The following ATP6V0A1 variants were observed in gnomAD, a reference collection of about 807,000 sequenced individuals.
ATP6V0A1 encodes the protein V-type proton ATPase 116 kDa subunit a 1.
ATP6V0A1 carries 43 observed loss-of-function variants against 105.4 expected under a neutral mutation model. The ratio of observed to expected loss-of-function variants is 0.41; its 90% CI spans 0.32 to 0.53. The LOEUF (loss-of-function observed/expected upper bound fraction) is 0.53, where lower values mean the gene tolerates loss of function less well. ATP6V0A1 is among the 20% of genes least tolerant of loss of function. The probability of loss-of-function intolerance (pLI) is 0.30; values close to 1 mark genes in which losing one functional copy is unlikely to be tolerated. For missense variants in ATP6V0A1, 676 were observed against 1,051.1 expected, an observed-to-expected ratio of 0.64 and a Z score of 4.93; for synonymous variants, 362 against 372.8, an observed-to-expected ratio of 0.97 and a Z score of 0.33.
At chr17:42,473,859 T>C (rs182795286) in intron 5 of ATP6V0A1, among the ~76,000 whole-genome samples, 237 of 152,206 alleles carry the variant, frequency 1.6e-3, no homozygotes, top group Non-Finnish European at 2.5e-3. Context: ...CTTGGAAAAA[T>C]GATATTTTAA....
chr17:42,491,886 G>A (rs1293856046), intron 11 of ATP6V0A1, among the ~76,000 whole-genome samples: 3 of 151,676 alleles, frequency 2.0e-5, no homozygotes, highest in Non-Finnish European at 4.4e-5. Flanking sequence ...CAAAGTGCTG[G>A]GATTACAAAG....
At chr17:42,520,859 C>T (rs148239890) in intron 21 of ATP6V0A1, 168 bp from the exon 22 acceptor site, 1 of 653,146 alleles carries the variant, frequency 1.5e-6, no homozygotes, top group African/African-American at 1.8e-5. Flanking sequence ...CTCTTGATCC[C>T]AGGCCTTAAA....
Position 42,497,185 on chromosome 17 carries a change from C to CCTAAGGCAGGAGG in ATP6V0A1, c.1560+1482_1560+1494dup, listed in dbSNP as rs959310923. Among the ~76,000 whole-genome samples, 96 of 150,532 alleles carry CCTAAGGCAGGAGG rather than the reference C, an allele frequency of 6.4e-4. No individual in the cohort carries two copies. In the Middle Eastern group the frequency reaches 0.011, roughly 17 times the overall value. ...GGGTGTGGTGGTGCACGCCTGTAGT[C>CCTAAGGCAGGAGG]CTAAGGCAGGAGGCTAAGGCAGGAG... On this transcript the variant is annotated intron_variant, in intron 14 of 21. Coordinates refer to ENST00000343619, the MANE Select transcript of ATP6V0A1 (RefSeq NM_001130021.3).
intron 2 of ATP6V0A1, among the ~76,000 whole-genome samples, chr17:42,461,418 T>C (rs1039846988): frequency 6.6e-6 from 1 of 152,212 alleles, no homozygotes; most frequent in Admixed American, 6.5e-5. Flanking sequence ...TAAATAAGCA[T>C]ATACTGAATA....
chr17:42,508,386 G>A (rs754876494), intron 18 of ATP6V0A1, among the ~76,000 whole-genome samples, 186 bp from the exon 19 acceptor site: 5 of 152,228 alleles, frequency 3.3e-5, no homozygotes, highest in Non-Finnish European at 5.9e-5. Context: ...TAAAAAATAT[G>A]TATCTTAATG....
chr17:42,460,695 C>G lies in ATP6V0A1; in HGVS notation c.-47-153C>G, dbSNP rs1007510254. Among the ~76,000 whole-genome samples, 5 of 152,346 alleles carry G rather than the reference C, an allele frequency of 3.3e-5. No homozygotes were observed. The East Asian group carries it at 7.7e-4, about 23-fold the overall frequency. On this transcript the variant is annotated intron_variant, in intron 1 of 21. Coordinates refer to ENST00000343619, the MANE Select transcript of ATP6V0A1 (RefSeq NM_001130021.3). ...TTCAGGAACTGCCTTTGCAATTTCT[C>G]CTTTCCATCTTTCTAGACAGGGTGT...
intron 21 of ATP6V0A1, 113 bp from the exon 22 acceptor site, chr17:42,520,914 A>C: frequency 1.1e-6 from 1 of 899,676 alleles, no homozygotes; most frequent in Non-Finnish European, 1.7e-6. Flanking sequence ...TCCCCAGGGA[A>C]GGGAGGCTCG....
chr17:42,507,657 C>T (rs1223311135), intron 18 of ATP6V0A1, 30 bp downstream of exon 18: 15 of 1,583,370 alleles, frequency 9.5e-6, no homozygotes, highest in Non-Finnish European at 1.3e-5. Flanking sequence ...GCTTTCTCTC[C>T]TTCCACCTCG....
At chr17:42,514,179 G>GGAA in intron 20 of ATP6V0A1, 110 bp from the exon 21 acceptor site, 1 of 1,414,998 alleles carries the variant, frequency 7.1e-7, no homozygotes, top group Non-Finnish European at 9.6e-7. Context: ...TAAGGCAGTG[G>GGAA]GAAGCCAGGA....
Position 42,514,384 on chromosome 17 carries a change from T to G in ATP6V0A1, c.2344T>G (p.Phe782Val), listed in dbSNP as rs1462121818. 1 of 1,613,782 alleles carries G rather than the reference T, an allele frequency of 6.2e-7. No homozygotes were observed. The highest frequency in any genetic ancestry group is 1.1e-5 in the South Asian group (1 of 91,020). Residue 782 changes from phenylalanine to valine, a missense_variant, in exon 21 of 22, where the codon TTT (phenylalanine) becomes GTT (valine). This residue lies in a region of ATP6V0A1 where 435 missense variants were observed against 642.2 expected (regional missense o/e 0.68). Coordinates refer to ENST00000343619, the MANE Select transcript of ATP6V0A1 (RefSeq NM_001130021.3). Reference protein sequence around the residue: ...GLVLFFFFTAFATLTVAILLI... With the variant: ...GLVLFFFFTAVATLTVAILLI... The stretch of plus-strand genomic sequence containing the variant: ...GGTGCTGTTCTTCTTCTTCACTGCC[T>G]TTGCCACCCTGACCGTGGCCATCCT...
chr17:42,517,300 A>G (rs189477901), intron 21 of ATP6V0A1, among the ~76,000 whole-genome samples: 2 of 151,670 alleles, frequency 1.3e-5, no homozygotes, highest in East Asian at 3.9e-4. Context: ...CAACAACAAC[A>G]ACAACAAAAA....
intron 5 of ATP6V0A1, chr17:42,471,453 G>GT (rs2087931072): frequency 6.6e-6 from 1 of 152,056 alleles, no homozygotes; most frequent in Admixed American, 6.6e-5. Flanking sequence ...AGGTGACTTG[G>GT]TTGGGCATGG....
At chr17:42,520,202 T>G (rs771320552) in intron 21 of ATP6V0A1, 8 of 349,628 alleles carry the variant, frequency 2.3e-5, no homozygotes, top group Admixed American at 3.8e-5. Context: ...AGGGCAGCTC[T>G]CCTTGGCCTT....
intron 5 of ATP6V0A1, among the ~76,000 whole-genome samples, chr17:42,474,125 C>T (rs1195034185): frequency 6.6e-6 from 1 of 151,912 alleles, no homozygotes; most frequent in Admixed American, 6.6e-5. Flanking sequence ...GCCTCAGCCT[C>T]CCGAGCAGCT....
chr17:42,484,061 T>A (rs2089844206), intron 9 of ATP6V0A1, among the ~76,000 whole-genome samples: 1 of 151,712 alleles, frequency 6.6e-6, no homozygotes, highest in Non-Finnish European at 1.5e-5. Context: ...TTGTTTTGTT[T>A]GTTCGTTTGT....
At chr17:42,502,517 G>C (rs753228843) in intron 17 of ATP6V0A1, among the ~76,000 whole-genome samples, 31 of 150,466 alleles carry the variant, frequency 2.1e-4, no homozygotes, top group South Asian at 6.2e-4. Context: ...CACACACACA[G>C]AGTTAAATTT....
chr17:42,479,762 G>A (rs1481810848), intron 7 of ATP6V0A1, among the ~76,000 whole-genome samples: 2 of 152,128 alleles, frequency 1.3e-5, no homozygotes, highest in Non-Finnish European at 2.9e-5. Context: ...CTTGCCAAAG[G>A]CCATCAGGTT....
intron 14 of ATP6V0A1, 173 bp downstream of exon 14, chr17:42,495,889 A>G (rs1252753889): frequency 3.5e-6 from 2 of 566,978 alleles, no homozygotes; most frequent in East Asian, 6.3e-5. Flanking sequence ...TGAGGTCAGC[A>G]TGGTGAAACC....
chr17:42,522,539 G>A lies in ATP6V0A1; in HGVS notation c.*1419G>A, dbSNP rs1456320583. ...ACCCTGCCCAAGGTCCTCCTGTTCAGACATTCCTATGTTGAATAAAGTATG... is the reference window on the plus strand; with the variant it reads ...ACCCTGCCCAAGGTCCTCCTGTTCAAACATTCCTATGTTGAATAAAGTATG... On this transcript the variant is annotated 3_prime_UTR_variant, in exon 22 of 22. Coordinates refer to ENST00000343619, the MANE Select transcript of ATP6V0A1 (RefSeq NM_001130021.3). The A allele has an allele frequency of 1.3e-5, 2 of 152,518 alleles. No homozygotes were observed. The highest frequency in any genetic ancestry group is 4.8e-5 in the African/African-American group (2 of 41,450). The allele number at this position is 152,518 out of a possible 1,614,324, so 9.4% of individuals were successfully genotyped here. A position where few individuals can be genotyped will look rare whatever the true frequency, so the allele number is the denominator to read the frequency against.
Sources: allele counts gnomAD v4.1 joint callset (sites outside exome capture counted in the v4.1 genomes callset), GRCh38; gene constraint gnomAD v4.1.1; regional missense constraint gnomAD v4.1.1; transcripts MANE v1.5; gene names NCBI Gene and HGNC (gene_info 2026-07-23, HGNC 2026-07-21).